KCNJ6: variants seen among roughly 807,000 people sequenced by gnomAD.
The protein encoded by KCNJ6 is G protein-activated inward rectifier potassium channel 2.
KCNJ6 carries 9 observed loss-of-function variants against 34.2 expected under a neutral mutation model. The observed-to-expected ratio is 0.26, with a 90% CI of 0.16 to 0.46. The LOEUF is 0.46. Among genes scored for constraint, KCNJ6 ranks in the 20% least tolerant of loss-of-function variants. The pLI is 1.00. For missense variants in KCNJ6, 236 were observed against 531.3 expected (o/e 0.44, Z 5.46); for synonymous variants, 196 against 207.1 (o/e 0.95, Z 0.46).
At chr21:37,838,089 C>G (rs1000006159) in intron 2 of KCNJ6, among the ~76,000 whole-genome samples, 3 of 152,176 alleles carry the variant, frequency 2.0e-5, no homozygotes, top group African/African-American at 7.2e-5. Context: ...TTTATGCAAT[C>G]TTTTTCATAA....
At chr21:37,817,556 AG>A (rs1277148615) in intron 2 of KCNJ6, among the ~76,000 whole-genome samples, 1 of 152,224 alleles carries the variant, frequency 6.6e-6, no homozygotes, top group Non-Finnish European at 1.5e-5. Context: ...CCTGAATAAA[AG>A]GGGAGACATT....
intron 2 of KCNJ6, among the ~76,000 whole-genome samples, chr21:37,821,933 T>C (rs1005622716): frequency 3.3e-5 from 5 of 152,230 alleles, no homozygotes; most frequent in African/African-American, 1.2e-4. Flanking sequence ...AAGATTTCTT[T>C]AGCAGGCATT....
intron 2 of KCNJ6, among the ~76,000 whole-genome samples, chr21:37,791,127 C>T (rs1400488569): frequency 6.6e-6 from 1 of 152,200 alleles, no homozygotes; most frequent in Non-Finnish European, 1.5e-5. Flanking sequence ...CCAGCCACAC[C>T]GTGTCTGCTG....
chr21:37,872,180 T>G (rs1268383205), intron 1 of KCNJ6, among the ~76,000 whole-genome samples: 1 of 152,216 alleles, frequency 6.6e-6, no homozygotes, highest in Non-Finnish European at 1.5e-5. Context: ...GGAGCTTACC[T>G]GGTTAATTCA....
chr21:37,808,961 T>C (rs986250806), intron 2 of KCNJ6, among the ~76,000 whole-genome samples: 2 of 152,246 alleles, frequency 1.3e-5, no homozygotes, highest in Admixed American at 1.3e-4. Flanking sequence ...GAAGCCAGTG[T>C]GGCGATTCCT....
At chr21:37,656,245 T>C (rs1056345038) in intron 3 of KCNJ6, among the ~76,000 whole-genome samples, 4 of 152,152 alleles carry the variant, frequency 2.6e-5, no homozygotes, top group Admixed American at 6.5e-5. Flanking sequence ...CATCCAATCA[T>C]TGGGGGTTCT....
chr21:37,824,494 T>C (rs1169166048), intron 2 of KCNJ6, among the ~76,000 whole-genome samples: 1 of 151,988 alleles, frequency 6.6e-6, no homozygotes, highest in Non-Finnish European at 1.5e-5. Flanking sequence ...CTCCCAGGCA[T>C]CTAGGGGAGT....
chr21:37,682,663 C>T (rs1050714534), intron 3 of KCNJ6, among the ~76,000 whole-genome samples: 5 of 152,136 alleles, frequency 3.3e-5, no homozygotes, highest in Non-Finnish European at 4.4e-5. Context: ...GGAAAAAGAC[C>T]GTTTTTCCTA....
At position 37,735,930 on chromosome 21, in the gene KCNJ6, G is replaced by A. The variant is rs183469301; in HGVS notation, c.26-20799C>T. ...CTGGGGTATGGAGCCCCATCTATGG[G>A]ATGAGCCATTGGGAAGCACATGGGG... On this transcript the variant is annotated intron_variant, in intron 2 of 3. Coordinates refer to ENST00000609713, the MANE Select transcript of KCNJ6 (RefSeq NM_002240.5). Among the ~76,000 whole-genome samples, 4 of 152,280 alleles carry A rather than the reference G, an allele frequency of 2.6e-5. No individual in the cohort carries two copies. The East Asian group carries it at 7.7e-4, about 29-fold the overall frequency.
chr21:37,682,792 G>T (rs2054596379), intron 3 of KCNJ6, among the ~76,000 whole-genome samples: 1 of 152,116 alleles, frequency 6.6e-6, no homozygotes, highest in Non-Finnish European at 1.5e-5. Context: ...TCCTCTGTCC[G>T]CCCAGGGGTG....
intron 3 of KCNJ6, among the ~76,000 whole-genome samples, chr21:37,698,303 A>G (rs2054672974): frequency 6.6e-6 from 1 of 152,106 alleles, no homozygotes; most frequent in African/African-American, 2.4e-5. Flanking sequence ...GGAGAAATGG[A>G]TGCTGGCTGC....
Position 37,611,692 on chromosome 21 carries a change from G to A in KCNJ6, c.*13467C>T, listed in dbSNP as rs548277254. The A allele has an allele frequency of 6.6e-6, 1 of 152,252 alleles. No individual in the cohort carries two copies. The highest frequency in any genetic ancestry group is 2.1e-4 in the South Asian group (1 of 4,826). 9.4% of individuals were successfully genotyped at this position (152,252 alleles called of 1,614,324 possible). On this transcript the variant is annotated 3_prime_UTR_variant, in exon 4 of 4. Transcript: ENST00000609713. Reference sequence around the variant, plus strand: ...ATATAAGGCTGGTTCAACATTCAAAGATCAACTAATGTAATGAATATCAAC... The same window carrying A: ...ATATAAGGCTGGTTCAACATTCAAAAATCAACTAATGTAATGAATATCAAC...
chr21:37,610,597 T>TGAA lies in KCNJ6; in HGVS notation c.*14561_*14562insTTC. On this transcript the variant is annotated 3_prime_UTR_variant, in exon 4 of 4. Coordinates refer to ENST00000609713, the MANE Select transcript of KCNJ6 (RefSeq NM_002240.5). ...CTGGGCAACAGAGTGAGACTCTGTC[T>TGAA]TAAAAAAAAAAAAAAAAAAAAAAGG... is the stretch of plus-strand genomic sequence containing the variant. 8.8e-5 allele frequency: 1 copy of TGAA among 11,378 alleles called. No homozygotes were observed. The highest frequency in any genetic ancestry group is 1.6e-4 in the Non-Finnish European group (1 of 6,294). The allele number at this position is 11,378 out of a possible 1,614,324, so 0.7% of individuals were successfully genotyped here.
In KCNJ6 at chr21:37,779,886, A is replaced by G. The variant is rs143911884; in HGVS notation, c.25+60772T>C. Among the ~76,000 whole-genome samples, 14 of 152,266 alleles carry G rather than the reference A, an allele frequency of 9.2e-5. No homozygotes were observed. In the East Asian group the frequency reaches 2.7e-3, roughly 29 times the overall value. On this transcript the variant is annotated intron_variant, in intron 2 of 3. Coordinates refer to ENST00000609713, the MANE Select transcript of KCNJ6 (RefSeq NM_002240.5). ...ATGTCTCTGGATGTGATTCCATTTA[A>G]CTGAGTGTAATTTAGGTGGACAGGA...
intron 3 of KCNJ6, among the ~76,000 whole-genome samples, chr21:37,711,939 C>T (rs2054755160): frequency 6.6e-6 from 1 of 151,920 alleles, no homozygotes; most frequent in African/African-American, 2.4e-5. Context: ...TGTAGAAAGG[C>T]CATAGGGTGC....
At chr21:37,860,642 C>T (rs1036767574) in intron 1 of KCNJ6, among the ~76,000 whole-genome samples, 7 of 152,194 alleles carry the variant, frequency 4.6e-5, no homozygotes, top group African/African-American at 1.7e-4. Flanking sequence ...ACTCACACTG[C>T]AGTCTTTGAC....
chr21:37,901,621 C>G (rs1036793495), intron 1 of KCNJ6, among the ~76,000 whole-genome samples: 1 of 152,182 alleles, frequency 6.6e-6, no homozygotes, highest in African/African-American at 2.4e-5. Context: ...AATAAACAGA[C>G]GTTCAAGTTA....
chr21:37,771,186 C>T (rs2055116168), intron 2 of KCNJ6, among the ~76,000 whole-genome samples: 1 of 152,078 alleles, frequency 6.6e-6, no homozygotes, highest in Admixed American at 6.6e-5. Context: ...AGCAGTAGTC[C>T]CCAGTTATTC....
intron 3 of KCNJ6, among the ~76,000 whole-genome samples, chr21:37,659,380 T>G (rs1263934410): frequency 6.6e-6 from 1 of 152,194 alleles, no homozygotes; most frequent in African/African-American, 2.4e-5. Flanking sequence ...AGCAAAGCCC[T>G]TGATGTGGTG....
Sources: allele counts gnomAD v4.1 joint callset (sites outside exome capture counted in the v4.1 genomes callset), GRCh38; gene constraint gnomAD v4.1.1; transcripts MANE v1.5; gene names NCBI Gene and HGNC (gene_info 2026-07-23, HGNC 2026-07-21).